EPB41L4A: variants seen among roughly 807,000 people sequenced by gnomAD.
The protein encoded by EPB41L4A is erythrocyte membrane protein band 4.1 like 4A.
Under a neutral mutation model 108.6 loss-of-function variants are expected in EPB41L4A, and 100 were observed. That is an observed-to-expected ratio of 0.92 (90% CI 0.78 to 1.09). The LOEUF (loss-of-function observed/expected upper bound fraction) is 1.09. Ranked by LOEUF, EPB41L4A falls within the 50% of genes least tolerant of loss-of-function variation. The probability of loss-of-function intolerance (pLI) is 0.00; values close to 1 mark genes in which losing one functional copy is unlikely to be tolerated. For missense variants in EPB41L4A, 1,030 were observed against 842.7 expected (o/e 1.22, Z -2.75); for synonymous variants, 319 against 289.0 (o/e 1.10, Z -1.05).
At chr5:112,214,715 G>C (rs1370551095) in intron 12 of EPB41L4A, among the ~76,000 whole-genome samples, 1 of 151,508 alleles carries the variant, frequency 6.6e-6, no homozygotes, top group Non-Finnish European at 1.5e-5. Context: ...GCAGTGAGTG[G>C]AGATCGCGCC....
At chr5:112,395,143 T>A (rs1761244771) in intron 1 of EPB41L4A, among the ~76,000 whole-genome samples, 2 of 152,192 alleles carry the variant, frequency 1.3e-5, no homozygotes, top group Admixed American at 1.3e-4. Context: ...ATACGAACCC[T>A]AGAAGAAAAC....
chr5:112,240,093 T>G (rs1749661289), intron 10 of EPB41L4A, among the ~76,000 whole-genome samples: 1 of 152,210 alleles, frequency 6.6e-6, no homozygotes, highest in East Asian at 1.9e-4. Context: ...TGCCAGCACC[T>G]TATTCATCAA....
intron 12 of EPB41L4A, among the ~76,000 whole-genome samples, chr5:112,223,067 T>C (rs1181475779): frequency 1.3e-5 from 2 of 151,926 alleles, no homozygotes; most frequent in East Asian, 1.9e-4. Context: ...GCCTTCCAAG[T>C]AGCTAGGACT....
chr5:112,292,721 A>C (rs999060501), intron 2 of EPB41L4A, among the ~76,000 whole-genome samples: 1 of 152,232 alleles, frequency 6.6e-6, no homozygotes, highest in South Asian at 2.1e-4. Flanking sequence ...TATTATATTC[A>C]AGGAGAAAAT....
chr5:112,389,031 G>A (rs913220088), intron 1 of EPB41L4A, among the ~76,000 whole-genome samples: 1 of 152,040 alleles, frequency 6.6e-6, no homozygotes, highest in Non-Finnish European at 1.5e-5. Flanking sequence ...TTATGCTAAA[G>A]TAATTTCTGA....
At chr5:112,160,854 G>C (rs546396084), downstream of EPB41L4A, 1 of 156,216 alleles carries the variant, frequency 6.4e-6, no homozygotes, top group Non-Finnish European at 1.5e-5. Flanking sequence ...ATTGTGGGAC[G>C]GAAGCCTGTC....
chr5:112,414,081 A>T (rs1017232581), intron 1 of EPB41L4A, among the ~76,000 whole-genome samples: 1 of 152,228 alleles, frequency 6.6e-6, no homozygotes, highest in East Asian at 1.9e-4. Context: ...TCGGCTAGTA[A>T]GTAATTAGCG....
chr5:112,184,146 A>G lies in EPB41L4A; in HGVS notation c.1503-11T>C, dbSNP rs201524957. 22 of 1,613,686 alleles carry G rather than the reference A, an allele frequency of 1.4e-5. No homozygotes were observed. In the South Asian group the frequency reaches 2.4e-4, roughly 18 times the overall value. ...TTCTCCTGCCGTATTCTGAAAGGAA[A>G]GCCATGCATCTGAAGTTAACATCTA... On this transcript the variant is annotated splice_polypyrimidine_tract_variant and intron_variant, in intron 17 of 22. Transcript: ENST00000261486.
intron 11 of EPB41L4A, 41 bp from the exon 12 acceptor site, chr5:112,234,796 A>AC: frequency 1.3e-6 from 2 of 1,582,478 alleles, no homozygotes; most frequent in South Asian, 2.3e-5. Context: ...GTAAAACCAC[A>AC]CAGCCACAAA....
chr5:112,246,214 C>G (rs868225286), intron 9 of EPB41L4A, among the ~76,000 whole-genome samples: 1 of 152,078 alleles, frequency 6.6e-6, no homozygotes, highest in Non-Finnish European at 1.5e-5. Context: ...AATATCCAGT[C>G]ATGCGTTGTA....
chr5:112,347,918 C>T (rs1239093563), intron 1 of EPB41L4A, among the ~76,000 whole-genome samples: 2 of 152,162 alleles, frequency 1.3e-5, no homozygotes, highest in Non-Finnish European at 2.9e-5. Flanking sequence ...ATCCATCCTC[C>T]CAGGACCCAA....
exon 14 of EPB41L4A, chr5:112,143,719 TTG>T (rs1166273355): frequency 3.6e-6 from 1 of 278,816 alleles, no homozygotes; most frequent in Non-Finnish European, 7.5e-6. Context: ...ATTTTCCCTA[TTG>T]ACTCCAATAT....
At chr5:112,272,387 C>T (rs1191473263) in intron 4 of EPB41L4A, among the ~76,000 whole-genome samples, 3 of 151,716 alleles carry the variant, frequency 2.0e-5, no homozygotes, top group African/African-American at 4.8e-5. Context: ...GTGATCTGCC[C>T]GCCTTGGCCT....
chr5:112,310,974 G>A (rs572148593), intron 1 of EPB41L4A, among the ~76,000 whole-genome samples: 2 of 152,246 alleles, frequency 1.3e-5, no homozygotes, highest in African/African-American at 4.8e-5. Context: ...GCTGTGACAA[G>A]CAGTAGAAAT....
At chr5:112,281,954 TAA>T (rs1412731139) in intron 2 of EPB41L4A, among the ~76,000 whole-genome samples, 1 of 151,692 alleles carries the variant, frequency 6.6e-6, no homozygotes, top group Non-Finnish European at 1.5e-5. Flanking sequence ...GACTTTTTTT[TAA>T]AAAAAAGTAG....
chr5:112,205,202 C>A (rs1762414016), intron 14 of EPB41L4A, among the ~76,000 whole-genome samples: 1 of 152,122 alleles, frequency 6.6e-6, no homozygotes, highest in South Asian at 2.1e-4. Flanking sequence ...TTCCCTTTTG[C>A]CTTTCCAGGA....
intron 1 of EPB41L4A, among the ~76,000 whole-genome samples, chr5:112,331,459 G>T (rs1756562789): frequency 6.6e-6 from 1 of 152,196 alleles, no homozygotes; most frequent in Non-Finnish European, 1.5e-5. Flanking sequence ...CACAGCCTCA[G>T]GGATCCCCCA....
At chr5:112,386,771 C>T (rs909271518) in intron 1 of EPB41L4A, among the ~76,000 whole-genome samples, 1 of 152,134 alleles carries the variant, frequency 6.6e-6, no homozygotes, top group Non-Finnish European at 1.5e-5. Context: ...AAGAAAGATA[C>T]TATATACATG....
rs184540840 is a variant in EPB41L4A, at chr5:112,417,832, T to G, written c.99+1109A>C. ...CGCAAAAGAATTACACCTATGAAACTGGAATTCTGTACACTAAGAATGGCA... is the reference window on the plus strand; with the variant it reads ...CGCAAAAGAATTACACCTATGAAACGGGAATTCTGTACACTAAGAATGGCA... On this transcript the variant is annotated intron_variant, in intron 1 of 22. Transcript: ENST00000261486. Among the ~76,000 whole-genome samples, 573 of 152,344 alleles carry G rather than the reference T, an allele frequency of 3.8e-3. 3 individuals are homozygous for G. The highest frequency in any genetic ancestry group is 0.013 in the African/African-American group (552 of 41,570).
Sources: gnomAD v4.1 joint callset for allele counts (sites outside exome capture counted in the v4.1 genomes callset) on GRCh38, gnomAD v4.1.1 for gene constraint, MANE v1.5 for transcripts, NCBI Gene and HGNC (gene_info 2026-07-23, HGNC 2026-07-21) for gene names.